The following ADAMTS16 variants were observed in gnomAD, a reference collection of about 807,000 sequenced individuals.
ADAMTS16 encodes A disintegrin and metalloproteinase with thrombospondin motifs 16.
Under a neutral mutation model 145.8 loss-of-function variants are expected in ADAMTS16, and 94 were observed. That is an observed-to-expected ratio of 0.64 (90% CI 0.55 to 0.77). The LOEUF is 0.77. Ranked by LOEUF, ADAMTS16 falls within the 30% of genes least tolerant of loss-of-function variation. The pLI, the probability that ADAMTS16 is intolerant of heterozygous loss-of-function variation, is 0.00. For missense variants in ADAMTS16, 1,585 were observed against 1,591.5 expected, an observed-to-expected ratio of 1.00 and a Z score of 0.07; for synonymous variants, 659 against 604.3, an observed-to-expected ratio of 1.09 and a Z score of -1.33.
intron 10 of ADAMTS16, among the ~76,000 whole-genome samples, chr5:5,211,734 T>C (rs545867546): frequency 6.6e-6 from 1 of 152,276 alleles, no homozygotes; most frequent in East Asian, 1.9e-4. Context: ...CCTGAAAATG[T>C]TTACATACTG....
chr5:5,256,300 G>T (rs866138133), intron 17 of ADAMTS16, among the ~76,000 whole-genome samples: 1 of 152,204 alleles, frequency 6.6e-6, no homozygotes, highest in Non-Finnish European at 1.5e-5. Flanking sequence ...AATATGCACT[G>T]CTGTGCTGCA....
intron 2 of ADAMTS16, among the ~76,000 whole-genome samples, chr5:5,145,145 A>C (rs1024457581): frequency 6.6e-6 from 1 of 152,202 alleles, no homozygotes; most frequent in Non-Finnish European, 1.5e-5. Flanking sequence ...TTCCTCTTGC[A>C]AGATTATTGT....
At chr5:5,288,373 A>G (rs1213577913) in intron 18 of ADAMTS16, among the ~76,000 whole-genome samples, 2 of 152,224 alleles carry the variant, frequency 1.3e-5, no homozygotes, top group African/African-American at 2.4e-5. Context: ...GGCTTTCCCT[A>G]GAATGCCACG....
intron 13 of ADAMTS16, among the ~76,000 whole-genome samples, chr5:5,235,709 A>G (rs915948856): frequency 1.3e-5 from 2 of 152,226 alleles, no homozygotes; most frequent in Non-Finnish European, 2.9e-5. Flanking sequence ...TGGGAAAGAA[A>G]TAAGTGTTGT....
chr5:5,297,250 G>T (rs1355862399), intron 18 of ADAMTS16, among the ~76,000 whole-genome samples: 1 of 152,164 alleles, frequency 6.6e-6, no homozygotes, highest in Non-Finnish European at 1.5e-5. Context: ...GGCGTATATG[G>T]CTGTGGATCA....
At chr5:5,235,522 T>C (rs1737081375) in intron 13 of ADAMTS16, among the ~76,000 whole-genome samples, 1 of 152,166 alleles carries the variant, frequency 6.6e-6, no homozygotes, top group South Asian at 2.1e-4. Flanking sequence ...ATTACAGTAG[T>C]TGTTGCTATA....
chr5:5,308,626 T>C (rs867149058), intron 21 of ADAMTS16, among the ~76,000 whole-genome samples: 2 of 152,074 alleles, frequency 1.3e-5, no homozygotes, highest in Admixed American at 1.3e-4. Flanking sequence ...TCCCATCCCA[T>C]TGTGGGCCCC....
At position 5,266,465 on chromosome 5, in the gene ADAMTS16, G is replaced by A. The variant is rs548608010; in HGVS notation, c.2789+3682G>A. On this transcript the variant is annotated intron_variant, in intron 18 of 22. Transcript: ENST00000274181. ...AGCAACTAAGTCCTTTCCCTAGGAC[G>A]GGCCTCCGCCCTACCGCATGGGGAG... Among the ~76,000 whole-genome samples, 14 of 152,326 alleles carry A rather than the reference G, an allele frequency of 9.2e-5. No homozygotes were observed. In the South Asian group the frequency reaches 2.7e-3, roughly 29 times the overall value.
chr5:5,202,049 T>C (rs1247114370), intron 9 of ADAMTS16, among the ~76,000 whole-genome samples: 1 of 152,218 alleles, frequency 6.6e-6, no homozygotes, highest in Non-Finnish European at 1.5e-5. Flanking sequence ...CTGTTGGTTT[T>C]ACTCCAGTGT....
chr5:5,294,996 G>GA (rs1233651344), intron 18 of ADAMTS16, among the ~76,000 whole-genome samples: 1 of 151,976 alleles, frequency 6.6e-6, no homozygotes, highest in Admixed American at 6.6e-5. Flanking sequence ...TAGATAGAGG[G>GA]AAAAATTATT....
intron 17 of ADAMTS16, among the ~76,000 whole-genome samples, chr5:5,250,282 G>A (rs758355075): frequency 6.9e-4 from 105 of 152,158 alleles, no homozygotes; most frequent in Non-Finnish European, 1.2e-3. Flanking sequence ...AAGAGTTTGA[G>A]AGAGGATTTA....
chr5:5,312,869 T>C (rs1427893899), intron 21 of ADAMTS16, among the ~76,000 whole-genome samples: 1 of 152,192 alleles, frequency 6.6e-6, no homozygotes, highest in Non-Finnish European at 1.5e-5. Context: ...GCCTTCTCTG[T>C]CTGTGGGAAA....
At chr5:5,232,281 C>T in intron 11 of ADAMTS16, 87 bp from the exon 12 acceptor site, 2 of 1,515,850 alleles carry the variant, frequency 1.3e-6, no homozygotes, top group Non-Finnish European at 1.8e-6. Flanking sequence ...CAAAATTCCC[C>T]ACTGCTCAGC....
chr5:5,214,193 G>A (rs1280944292), intron 10 of ADAMTS16, among the ~76,000 whole-genome samples: 2 of 152,220 alleles, frequency 1.3e-5, no homozygotes, highest in African/African-American at 4.8e-5. Context: ...TATATGTGGT[G>A]TATATAACTT....
intron 18 of ADAMTS16, among the ~76,000 whole-genome samples, chr5:5,277,949 T>G (rs966680): frequency 0.29 from 44,291 of 151,790 alleles, 8,219 homozygotes; most frequent in East Asian, 0.57. Context: ...GCCACTGTCC[T>G]CCAGCCTAAG....
rs1160035328 is a variant in ADAMTS16 at position 5,154,813 on chromosome 5, C to A, written c.501+8358C>A. ...GAGTTCCATCCTCAGCCTCACAAAG[C>A]AGAGTTTAAAAGGATAGTTTGGAGT... On this transcript the variant is annotated intron_variant, in intron 3 of 22. Transcript: ENST00000274181. 3.9e-5 allele frequency among the ~76,000 whole-genome samples: 6 copies of A among 152,222 alleles called. No individual in the cohort carries two copies. In the East Asian group the frequency reaches 1.2e-3, roughly 29 times the overall value.
chr5:5,195,888 G>A (rs932468724), intron 8 of ADAMTS16, among the ~76,000 whole-genome samples: 1 of 152,040 alleles, frequency 6.6e-6, no homozygotes, highest in Admixed American at 6.6e-5. Flanking sequence ...GAGAGCTGTC[G>A]GTATTGCAAG....
In ADAMTS16 at chr5:5,182,151, A is replaced by G; in HGVS notation, c.609A>G (p.Val203=). The change falls in exon 4 of 23, where the codon GTA becomes GTG. Residue 203 remains valine, a synonymous_variant. Coordinates refer to ENST00000274181, the MANE Select transcript of ADAMTS16 (RefSeq NM_139056.4). ...CCCAAGGCAGCTCGCCATCCCACGT[A>G]CTGTACAAGAGATCCACAGAGCCCC... is the stretch of plus-strand genomic sequence containing the variant. ...RAAQGSSPSH[V]LYKRSTEPHA... 1.2e-6 allele frequency: 2 copies of G among 1,614,088 alleles called. No homozygotes were observed. The highest frequency in any genetic ancestry group is 2.2e-5 in the East Asian group (1 of 44,868).
chr5:5,185,323 A>G (rs1026767001), intron 4 of ADAMTS16, among the ~76,000 whole-genome samples: 4 of 152,228 alleles, frequency 2.6e-5, no homozygotes, highest in African/African-American at 9.6e-5. Context: ...TTTGAAGTCC[A>G]CTTTCACACG....
Sources: allele counts gnomAD v4.1 joint callset (sites outside exome capture counted in the v4.1 genomes callset), GRCh38; gene constraint gnomAD v4.1.1; transcripts MANE v1.5; gene names NCBI Gene and HGNC (gene_info 2026-07-23, HGNC 2026-07-21).